The following PRLR variants were observed in gnomAD, a reference collection of about 807,000 sequenced individuals.
PRLR encodes the protein hPRL receptor.
In PRLR, 13 loss-of-function variants were observed where a neutral mutation model predicts 40.2. That is an observed-to-expected ratio of 0.32 (90% CI 0.21 to 0.51). PRLR has a LOEUF of 0.51. Ranked by LOEUF, PRLR falls within the 20% of genes least tolerant of loss-of-function variation. The pLI is 0.97. For synonymous variants in PRLR, 269 were observed against 278.7 expected (o/e 0.97, Z 0.35); for missense variants, 656 against 747.3 (o/e 0.88, Z 1.42).
At chr5:35,109,694 A>G (rs1002682977) in intron 2 of PRLR, among the ~76,000 whole-genome samples, 2 of 152,206 alleles carry the variant, frequency 1.3e-5, no homozygotes, top group African/African-American at 4.8e-5. Flanking sequence ...TTAGAATGGC[A>G]ATCATTAAAA....
chr5:35,147,911 T>C (rs1774230764), intron 1 of PRLR, among the ~76,000 whole-genome samples: 1 of 152,150 alleles, frequency 6.6e-6, no homozygotes, highest in African/African-American at 2.4e-5. Flanking sequence ...GGATTCACTA[T>C]GGTGAATCCA....
chr5:35,106,188 T>A (rs1398748656), intron 2 of PRLR, among the ~76,000 whole-genome samples: 2 of 152,194 alleles, frequency 1.3e-5, no homozygotes, highest in African/African-American at 4.8e-5. Context: ...AGAGATTTTG[T>A]CACCACCAGG....
At chr5:35,124,022 C>A (rs1773377528) in intron 1 of PRLR, among the ~76,000 whole-genome samples, 1 of 152,130 alleles carries the variant, frequency 6.6e-6, no homozygotes, top group African/African-American at 2.4e-5. Context: ...ATATAGAAGA[C>A]AAGGAGAAGT....
At chr5:35,203,048 C>T (rs1311414878) in intron 1 of PRLR, among the ~76,000 whole-genome samples, 1 of 152,180 alleles carries the variant, frequency 6.6e-6, no homozygotes, top group Non-Finnish European at 1.5e-5. Context: ...TCATAGTCAG[C>T]TGTGTCTGGG....
intron 1 of PRLR, among the ~76,000 whole-genome samples, chr5:35,136,116 A>G (rs1773851579): frequency 6.6e-6 from 1 of 152,242 alleles, no homozygotes; most frequent in Non-Finnish European, 1.5e-5. Context: ...GAATGAACAT[A>G]GAATACAACC....
At chr5:35,118,641 G>T (rs1301077135) in intron 1 of PRLR, among the ~76,000 whole-genome samples, 2 of 152,064 alleles carry the variant, frequency 1.3e-5, no homozygotes, top group Non-Finnish European at 1.5e-5. Context: ...CATAAAATTT[G>T]GTCCTGGAGA....
At position 35,102,502 on chromosome 5, in the gene PRLR, T is replaced by TCTCCA. The variant is rs1224360780; in HGVS notation, c.-43-12840_-43-12839insTGGAG. Among the ~76,000 whole-genome samples, 575 of 103,184 alleles carry TCTCCA rather than the reference T, an allele frequency of 5.6e-3. 12 individuals carry two copies. The highest frequency in any genetic ancestry group is 0.055 in the East Asian group (228 of 4,144). 67.7% of individuals were successfully genotyped at this position (103,184 alleles called of 152,430 possible). A position where few individuals can be genotyped will look rare whatever the true frequency, so the allele number is the denominator to read the frequency against. ...TCCCGTCCCGTCTCCTCTCCACTCCTCTCCTCTCCTCTCCTCTCCTCTCCT... is the reference window on the plus strand; with the variant it reads ...TCCCGTCCCGTCTCCTCTCCACTCCTCTCCACTCCTCTCCTCTCCTCTCCTCTCCT... On this transcript the variant is annotated intron_variant, in intron 2 of 9. Coordinates refer to ENST00000618457, the MANE Select transcript of PRLR (RefSeq NM_000949.7).
chr5:35,086,563 G>C (rs1223136168), intron 3 of PRLR, among the ~76,000 whole-genome samples: 2 of 140,850 alleles, frequency 1.4e-5, no homozygotes, highest in East Asian at 4.2e-4. Flanking sequence ...TTTTGCTGGT[G>C]TGTGTGTGTG....
At chr5:35,155,542 A>G (rs1774467058) in intron 1 of PRLR, among the ~76,000 whole-genome samples, 1 of 152,198 alleles carries the variant, frequency 6.6e-6, no homozygotes, top group Non-Finnish European at 1.5e-5. Flanking sequence ...GTAAAACCAA[A>G]TATTTGTTTA....
chr5:35,085,983 T>C (rs1357797806), intron 4 of PRLR, among the ~76,000 whole-genome samples: 1 of 151,998 alleles, frequency 6.6e-6, no homozygotes, highest in East Asian at 1.9e-4. Context: ...CCAGTAACAC[T>C]GATATTGTAC....
intron 1 of PRLR, among the ~76,000 whole-genome samples, chr5:35,213,609 T>C (rs1376850736): frequency 2.0e-5 from 3 of 152,130 alleles, no homozygotes; most frequent in Non-Finnish European, 4.4e-5. Flanking sequence ...ATTTGAGGAA[T>C]TAGAAGTAAA....
chr5:35,194,379 C>A (rs1775681375), intron 1 of PRLR, among the ~76,000 whole-genome samples: 3 of 152,200 alleles, frequency 2.0e-5, no homozygotes, highest in Admixed American at 6.5e-5. Flanking sequence ...CCCTGCCTTA[C>A]CCCAGGTTAG....
intron 1 of PRLR, among the ~76,000 whole-genome samples, chr5:35,148,713 G>A (rs1774256604): frequency 6.6e-6 from 1 of 152,090 alleles, no homozygotes; most frequent in Admixed American, 6.5e-5. Flanking sequence ...TCTTAGAAAC[G>A]AAAGGATCTT....
chr5:35,109,707 C>A (rs372667125), intron 2 of PRLR, among the ~76,000 whole-genome samples: 2 of 151,996 alleles, frequency 1.3e-5, no homozygotes, highest in African/African-American at 4.8e-5. Flanking sequence ...CATTAAAAAG[C>A]CAGGAAACAA....
chr5:35,134,640 A>G (rs943076884), intron 1 of PRLR, among the ~76,000 whole-genome samples: 4 of 152,376 alleles, frequency 2.6e-5, no homozygotes, highest in South Asian at 2.1e-4. Context: ...CACAACCTCA[A>G]TGAACTGGGA....
chr5:35,069,894 G>A (rs1282628791), intron 7 of PRLR, among the ~76,000 whole-genome samples: 4 of 152,202 alleles, frequency 2.6e-5, no homozygotes, highest in Admixed American at 2.6e-4. Flanking sequence ...GCCCCTTGGG[G>A]CATCAGACCC....
chr5:35,087,981 C>G (rs1007119290), intron 3 of PRLR, among the ~76,000 whole-genome samples: 4 of 152,210 alleles, frequency 2.6e-5, no homozygotes, highest in Non-Finnish European at 5.9e-5. Flanking sequence ...TCTGTTTTCT[C>G]CTCTACCCCT....
At chr5:35,194,301 T>A (rs1160465700) in intron 1 of PRLR, among the ~76,000 whole-genome samples, 2 of 152,194 alleles carry the variant, frequency 1.3e-5, no homozygotes, top group African/African-American at 4.8e-5. Context: ...ACTCTGTCTA[T>A]AAAATCAGGA....
chr5:35,160,556 T>A (rs1375998480), intron 1 of PRLR, among the ~76,000 whole-genome samples: 1 of 152,172 alleles, frequency 6.6e-6, no homozygotes, highest in Admixed American at 6.5e-5. Flanking sequence ...CCCCAGTCTA[T>A]GGGGAGGAGA....
Sources: gnomAD v4.1 joint callset for allele counts (sites outside exome capture counted in the v4.1 genomes callset) on GRCh38, gnomAD v4.1.1 for gene constraint, MANE v1.5 for transcripts, NCBI Gene and HGNC (gene_info 2026-07-23, HGNC 2026-07-21) for gene names.